The following SFMBT2 variants were observed in gnomAD, a reference collection of about 807,000 sequenced individuals.
The protein encoded by SFMBT2 is Scm like with four mbt domains 2.
SFMBT2 carries 38 observed loss-of-function variants against 110.1 expected under a neutral mutation model. That is an observed-to-expected ratio of 0.35 (90% CI 0.27 to 0.45). SFMBT2 has a LOEUF of 0.45. SFMBT2 is among the 20% of genes least tolerant of loss of function. The probability of loss-of-function intolerance (pLI) is 1.00; values close to 1 mark genes in which losing one functional copy is unlikely to be tolerated. For missense variants in SFMBT2, 1,011 were observed against 1,094.9 expected, an observed-to-expected ratio of 0.92 and a Z score of 1.08; for synonymous variants, 425 against 425.4, an observed-to-expected ratio of 1.00 and a Z score of 0.01.
intron 7 of SFMBT2, among the ~76,000 whole-genome samples, chr10:7,253,696 T>C (rs1354787205): frequency 6.6e-6 from 1 of 152,124 alleles, no homozygotes; most frequent in African/African-American, 2.4e-5. Context: ...TGGCCTCAAA[T>C]AGCCACATAT....
chr10:7,168,931 C>T (rs756885204), intron 20 of SFMBT2, among the ~76,000 whole-genome samples: 11 of 152,110 alleles, frequency 7.2e-5, no homozygotes, highest in Non-Finnish European at 1.6e-4. Flanking sequence ...GGAGGTGACT[C>T]CCTCTGCCTC....
chr10:7,235,226 C>A (rs1840218939), intron 9 of SFMBT2, among the ~76,000 whole-genome samples: 1 of 152,126 alleles, frequency 6.6e-6, no homozygotes, highest in Non-Finnish European at 1.5e-5. Flanking sequence ...TAAAAAAATA[C>A]CCTTGACCCT....
In SFMBT2 at chr10:7,228,181, T is replaced by G. The variant is rs145232698; in HGVS notation, c.1121-244A>C. 2.7e-4 allele frequency among the ~76,000 whole-genome samples: 41 copies of G among 152,242 alleles called. No homozygotes were observed. In the South Asian group the frequency reaches 8.5e-3, roughly 32 times the overall value. ...GGTGAGGAAGGGTGGAACTTACCCA[T>G]GGCGGCACCAGCCGGTGGGGGGATT... On this transcript the variant is annotated intron_variant, in intron 9 of 20. Coordinates refer to ENST00000397167, the MANE Select transcript of SFMBT2 (RefSeq NM_001387889.1).
intron 3 of SFMBT2, chr10:7,368,198 C>A: frequency 2.5e-6 from 1 of 400,056 alleles, no homozygotes; most frequent in South Asian, 1.0e-4. Flanking sequence ...AAACAACCAA[C>A]TGTCTTCTTT....
At chr10:7,393,015 ATATATATATATATATATATAAT>A (rs1564473045) in intron 1 of SFMBT2, among the ~76,000 whole-genome samples, 5 of 79,806 alleles carry the variant, frequency 6.3e-5, no homozygotes, top group African/African-American at 5.3e-4. Context: ...ATATATATAT[ATATATATATATATATATATAAT>A]TTTTTTTTTT....
intron 7 of SFMBT2, among the ~76,000 whole-genome samples, chr10:7,253,509 G>A (rs971472147): frequency 6.6e-6 from 1 of 152,200 alleles, no homozygotes; most frequent in Admixed American, 6.5e-5. Flanking sequence ...GATGTTAGAA[G>A]TGTTGTGGGT....
At chr10:7,298,968 T>C (rs1842486394) in intron 4 of SFMBT2, among the ~76,000 whole-genome samples, 1 of 152,330 alleles carries the variant, frequency 6.6e-6, no homozygotes, top group Non-Finnish European at 1.5e-5. Flanking sequence ...CCCAGCACTT[T>C]GGGAGGCCAA....
intron 9 of SFMBT2, among the ~76,000 whole-genome samples, chr10:7,235,297 A>T (rs1403017784): frequency 6.6e-6 from 1 of 152,200 alleles, no homozygotes; most frequent in Non-Finnish European, 1.5e-5. Flanking sequence ...GATGACTTCA[A>T]TCCAGGGCAC....
At chr10:7,368,147 A>T in intron 3 of SFMBT2, 2 of 284,142 alleles carry the variant, frequency 7.0e-6, no homozygotes, top group Middle Eastern at 1.8e-3. Flanking sequence ...TATCCAAAAC[A>T]TTATCACCTC....
Position 7,318,354 on chromosome 10 carries a change from TTA to T in SFMBT2, c.437-32402_437-32401del, listed in dbSNP as rs534933832. 2.8e-4 allele frequency among the ~76,000 whole-genome samples: 43 copies of T among 152,378 alleles called. No individual in the cohort carries two copies. In the Middle Eastern group the frequency reaches 0.014, roughly 48 times the overall value. On this transcript the variant is annotated intron_variant, in intron 4 of 20. Transcript: ENST00000397167. ...AACCACAGATATCCTTCATATCTTTTTATGTGTTATACTGACATCTGTGCTTG... is the reference window on the plus strand; with the variant it reads ...AACCACAGATATCCTTCATATCTTTTTGTGTTATACTGACATCTGTGCTTG...
At position 7,359,421 on chromosome 10, in the gene SFMBT2, G is replaced by A. The variant is rs150894645; in HGVS notation, c.436+8228C>T. ...ATTATGGAAGTGAAGGAGTTAACAC[G>A]GAAGCAAAAATGAGCCACGAGGCCA... On this transcript the variant is annotated intron_variant, in intron 4 of 20. Coordinates refer to ENST00000397167, the MANE Select transcript of SFMBT2 (RefSeq NM_001387889.1). Among the ~76,000 whole-genome samples, 575 of 152,266 alleles carry A rather than the reference G, an allele frequency of 3.8e-3. 6 individuals are homozygous for A. The highest frequency in any genetic ancestry group is 0.019 in the Admixed American group (285 of 15,296).
rs147456689 is a variant in SFMBT2, at chr10:7,331,506, G to A, written c.436+36143C>T. ...TTCATTAAACCCAGGCATCTTCCCA[G>A]GAGAGGATCAGAGACTAAAAGGCAT... is the stretch of plus-strand genomic sequence containing the variant. On this transcript the variant is annotated intron_variant, in intron 4 of 20. Coordinates refer to ENST00000397167, the MANE Select transcript of SFMBT2 (RefSeq NM_001387889.1). Among the ~76,000 whole-genome samples the A allele has an allele frequency of 3.0e-4, 45 of 152,332 alleles. 1 individual carries two copies. The highest frequency in any genetic ancestry group is 1.0e-3 in the African/African-American group (43 of 41,574).
chr10:7,165,417 G>T (rs1386233734), intron 20 of SFMBT2, among the ~76,000 whole-genome samples: 1 of 152,200 alleles, frequency 6.6e-6, no homozygotes, highest in African/African-American at 2.4e-5. Context: ...TGGTAGCCTT[G>T]AGCAGACTAA....
chr10:7,181,294 A>G (rs1838241087), intron 16 of SFMBT2, among the ~76,000 whole-genome samples: 2 of 152,136 alleles, frequency 1.3e-5, no homozygotes, highest in Non-Finnish European at 2.9e-5. Flanking sequence ...CTGAAATTCA[A>G]AATACTCCAA....
At chr10:7,275,365 C>T (rs189399591) in intron 7 of SFMBT2, among the ~76,000 whole-genome samples, 62 of 152,218 alleles carry the variant, frequency 4.1e-4, no homozygotes, top group African/African-American at 1.3e-3. Context: ...GCAGGGGAGA[C>T]GAGGACAGGC....
At chr10:7,164,149 G>A in intron 20 of SFMBT2, 2 of 976,674 alleles carry the variant, frequency 2.0e-6, no homozygotes, top group Non-Finnish European at 2.4e-6. Context: ...CACTTTGGAA[G>A]GCTGAGGCTG....
chr10:7,344,832 G>C (rs12264667), intron 4 of SFMBT2, among the ~76,000 whole-genome samples: 14 of 151,678 alleles, frequency 9.2e-5, no homozygotes, highest in African/African-American at 2.9e-4. Flanking sequence ...AGTGGCGGGT[G>C]CCTGTAGTCC....
chr10:7,204,389 TG>T, intron 12 of SFMBT2: 1 of 985,426 alleles, frequency 1.0e-6, no homozygotes, highest in Non-Finnish European at 1.2e-6. Context: ...GAAGTAAAGT[TG>T]GTGCCTAAAT....
At position 7,373,990 on chromosome 10, in the gene SFMBT2, G is replaced by A. The variant is rs146776387; in HGVS notation, c.101-3615C>T. On this transcript the variant is annotated intron_variant, in intron 2 of 20. Transcript: ENST00000397167. ...ACAAACATGCAAATCGAGGCTGGGC[G>A]CAGTGGCTCATCCTGTAATCCCAGC... Among the ~76,000 whole-genome samples the A allele has an allele frequency of 3.3e-3, 509 of 152,212 alleles. 2 individuals carry two copies. Among genetic ancestry groups the A allele is most frequent in the African/African-American group, 0.012 (485 of 41,548 alleles).
Sources: allele counts gnomAD v4.1 joint callset (sites outside exome capture counted in the v4.1 genomes callset), GRCh38; gene constraint gnomAD v4.1.1; transcripts MANE v1.5; gene names NCBI Gene and HGNC (gene_info 2026-07-23, HGNC 2026-07-21).